The following LRRC4C variants were observed in gnomAD, a reference collection of about 807,000 sequenced individuals.
LRRC4C encodes the protein leucine-rich repeat-containing protein 4C.
In LRRC4C, 5 loss-of-function variants were observed where a neutral mutation model predicts 33.6. That is an observed-to-expected ratio of 0.15 (90% confidence interval 0.08 to 0.31). LRRC4C has a LOEUF of 0.31. LRRC4C is among the 10% of genes least tolerant of loss of function. LRRC4C has a pLI of 1.00. For missense variants in LRRC4C, 560 were observed against 796.7 expected (o/e 0.70, Z 3.58); for synonymous variants, 329 against 302.0 (o/e 1.09, Z -0.93).
intron 3 of LRRC4C, among the ~76,000 whole-genome samples, chr11:40,636,558 T>G (rs17502259): frequency 0.023 from 3,536 of 152,234 alleles, 61 homozygotes; most frequent in Non-Finnish European, 0.034. Flanking sequence ...GCACTAGGAT[T>G]TAACTGTCAA....
intron 3 of LRRC4C, among the ~76,000 whole-genome samples, chr11:40,509,469 T>C (rs1022470696): frequency 4.6e-5 from 7 of 152,130 alleles, no homozygotes; most frequent in Admixed American, 6.5e-5. Context: ...AAGATTTTAC[T>C]GTATGCTGGT....
intron 4 of LRRC4C, among the ~76,000 whole-genome samples, chr11:40,316,333 G>T (rs752021348): frequency 7.2e-5 from 11 of 151,994 alleles, no homozygotes; most frequent in Non-Finnish European, 1.5e-4. Context: ...TCATGTAGAT[G>T]TCTAGTTTTT....
At chr11:41,084,002 A>G (rs996885765) in intron 1 of LRRC4C, among the ~76,000 whole-genome samples, 3 of 152,236 alleles carry the variant, frequency 2.0e-5, no homozygotes, top group Admixed American at 6.5e-5. Context: ...TCTCAAGTAT[A>G]CAATACAATA....
rs181934385 is a variant in LRRC4C at position 40,799,676 on chromosome 11, G to A, written c.-407+133959C>T. Reference sequence around the variant, plus strand: ...GTAGAGAAGGGGTTTTGCCATGTTGGCCAGGCTGGTCTTGAATTCCTGCCT... The same window carrying A: ...GTAGAGAAGGGGTTTTGCCATGTTGACCAGGCTGGTCTTGAATTCCTGCCT... On this transcript the variant is annotated intron_variant, in intron 2 of 6. Transcript: ENST00000528697. Among the ~76,000 whole-genome samples the A allele has an allele frequency of 1.6e-4, 24 of 152,224 alleles. No individual in the cohort carries two copies. The East Asian group carries it at 2.7e-3, about 17-fold the overall frequency.
intron 2 of LRRC4C, among the ~76,000 whole-genome samples, chr11:40,915,888 A>T (rs1956935609): frequency 6.6e-6 from 1 of 152,210 alleles, no homozygotes; most frequent in Admixed American, 6.5e-5. Flanking sequence ...TGGGTGAAGG[A>T]TATGAACAGA....
At chr11:40,271,830 A>C (rs1345806691) in intron 4 of LRRC4C, among the ~76,000 whole-genome samples, 2 of 152,212 alleles carry the variant, frequency 1.3e-5, no homozygotes, top group Non-Finnish European at 2.9e-5. Context: ...AGGGAGACAC[A>C]TAGTAACATT....
intron 5 of LRRC4C, among the ~76,000 whole-genome samples, chr11:40,156,676 A>G (rs1858720204): frequency 6.6e-6 from 1 of 152,092 alleles, no homozygotes; most frequent in South Asian, 2.1e-4. Flanking sequence ...AAAAAAACCC[A>G]ACAACAACAA....
intron 3 of LRRC4C, among the ~76,000 whole-genome samples, chr11:40,538,796 G>A (rs1956585204): frequency 6.6e-6 from 1 of 152,058 alleles, no homozygotes; most frequent in African/African-American, 2.4e-5. Context: ...CACGTCCTCT[G>A]CAGCACCTGT....
chr11:40,597,180 CA>C (rs1297306099), intron 3 of LRRC4C, among the ~76,000 whole-genome samples: 1 of 152,030 alleles, frequency 6.6e-6, no homozygotes, highest in Non-Finnish European at 1.5e-5. Context: ...GGGTAAATAG[CA>C]TTTGGTAACA....
At chr11:41,167,936 T>C (rs1944802510) in intron 1 of LRRC4C, among the ~76,000 whole-genome samples, 1 of 152,198 alleles carries the variant, frequency 6.6e-6, no homozygotes, top group Non-Finnish European at 1.5e-5. Context: ...ATACCAGAAA[T>C]TGACTACCTG....
intron 3 of LRRC4C, among the ~76,000 whole-genome samples, chr11:40,364,655 G>T (rs1382444756): frequency 1.4e-5 from 2 of 139,310 alleles, no homozygotes; most frequent in Non-Finnish European, 3.1e-5. Flanking sequence ...TAAAAACAAT[G>T]ACCAAAGATT....
At chr11:41,373,656 T>TTTACA (rs771275574) in intron 1 of LRRC4C, among the ~76,000 whole-genome samples, 1 of 152,162 alleles carries the variant, frequency 6.6e-6, no homozygotes, top group Non-Finnish European at 1.5e-5. Flanking sequence ...GCCATGATCT[T>TTTACA]TTCACTGTGT....
intron 1 of LRRC4C, among the ~76,000 whole-genome samples, chr11:41,196,003 C>G (rs1455315627): frequency 2.6e-5 from 4 of 152,004 alleles, no homozygotes; most frequent in East Asian, 1.9e-4. Context: ...GATCTTTTAC[C>G]CTTATTTCAT....
At chr11:41,297,197 G>A (rs1950167299) in intron 1 of LRRC4C, among the ~76,000 whole-genome samples, 1 of 152,062 alleles carries the variant, frequency 6.6e-6, no homozygotes, top group Non-Finnish European at 1.5e-5. Flanking sequence ...ATTAATTTGT[G>A]TATTTTTCAA....
intron 1 of LRRC4C, among the ~76,000 whole-genome samples, chr11:41,204,686 C>T (rs899620403): frequency 3.3e-5 from 5 of 152,128 alleles, no homozygotes; most frequent in Non-Finnish European, 4.4e-5. Context: ...ATATATTGAG[C>T]TCCTTATATG....
chr11:40,156,323 A>T (rs1475272442), intron 5 of LRRC4C, among the ~76,000 whole-genome samples: 2 of 152,184 alleles, frequency 1.3e-5, no homozygotes, highest in African/African-American at 4.8e-5. Flanking sequence ...CTCCTCTTCA[A>T]CATAGTACTA....
intron 2 of LRRC4C, among the ~76,000 whole-genome samples, chr11:40,843,419 A>T (rs567227023): frequency 1.3e-5 from 2 of 152,220 alleles, no homozygotes; most frequent in South Asian, 4.1e-4. Context: ...CCCTACTAGC[A>T]TCCCTTTTTC....
intron 1 of LRRC4C, among the ~76,000 whole-genome samples, chr11:41,031,884 C>T (rs796376298): frequency 4.6e-5 from 7 of 152,092 alleles, no homozygotes; most frequent in African/African-American, 1.4e-4. Flanking sequence ...ATGCCAGAAG[C>T]TGTCTCTGGG....
chr11:40,176,643 C>G (rs1860518940), intron 5 of LRRC4C, among the ~76,000 whole-genome samples: 1 of 151,526 alleles, frequency 6.6e-6, no homozygotes, highest in African/African-American at 2.4e-5. Context: ...TTGCCTCAAG[C>G]AATCCTCCAG....
Sources: allele counts gnomAD v4.1 joint callset (sites outside exome capture counted in the v4.1 genomes callset), GRCh38; gene constraint gnomAD v4.1.1; transcripts MANE v1.5; gene names NCBI Gene and HGNC (gene_info 2026-07-23, HGNC 2026-07-21).